The following TRUB1 variants were observed in gnomAD, a reference collection of about 807,000 sequenced individuals.
TRUB1 encodes pseudouridylate synthase TRUB1.
A neutral mutation model predicts 33.9 loss-of-function variants in TRUB1; 23 were observed. The observed-to-expected ratio is 0.68, with a 90% confidence interval of 0.49 to 0.96. The LOEUF (loss-of-function observed/expected upper bound fraction) is 0.96, where lower values mean the gene tolerates loss of function less well. Ranked by LOEUF, TRUB1 falls within the 40% of genes least tolerant of loss-of-function variation. The pLI is 0.00. For missense variants in TRUB1, 378 were observed against 422.2 expected (o/e 0.90, Z 0.92); for synonymous variants, 163 against 165.4 (o/e 0.99, Z 0.11).
chr10:114,946,810 A>G lies in TRUB1; in HGVS notation c.385+4067A>G, dbSNP rs542151205. The stretch of plus-strand genomic sequence containing the variant: ...ACCTGAAATTCAGGTTTATAATTCT[A>G]TAGCATAATTGCTAGAGGGTTCACA... On this transcript the variant is annotated intron_variant, in intron 2 of 7. Coordinates refer to ENST00000298746, the MANE Select transcript of TRUB1 (RefSeq NM_139169.5). 1.6e-4 allele frequency among the ~76,000 whole-genome samples: 24 copies of G among 152,286 alleles called. No individual in the cohort carries two copies. The South Asian group carries it at 4.8e-3, about 30-fold the overall frequency.
chr10:114,972,083 T>C, intron 5 of TRUB1, 52 bp from the exon 6 acceptor site: 1 of 1,598,464 alleles, frequency 6.3e-7, no homozygotes, highest in Non-Finnish European at 8.5e-7. Flanking sequence ...TCCAAATCCC[T>C]CTCAATTCTT....
In TRUB1 at chr10:114,977,568, T is replaced by A. The variant is rs1320217087; in HGVS notation, c.*2189T>A. ...GAGTAGGGGTTTTATATGTTGTTGC[T>A]AATTTAGTAAACATAGGAGAGAAAT... On this transcript the variant is annotated 3_prime_UTR_variant, in exon 8 of 8. Transcript: ENST00000298746. The A allele has an allele frequency of 1.3e-5, 2 of 152,050 alleles. No homozygotes were observed. The highest frequency in any genetic ancestry group is 4.8e-5 in the African/African-American group (2 of 41,448). The allele number at this position is 152,050 out of a possible 1,614,324, so 9.4% of individuals were successfully genotyped here. A position where few individuals can be genotyped will look rare whatever the true frequency, so the allele number is the denominator to read the frequency against.
intron 4 of TRUB1, among the ~76,000 whole-genome samples, chr10:114,970,160 A>T (rs1014684652): frequency 6.6e-6 from 1 of 152,204 alleles, no homozygotes; most frequent in Admixed American, 6.5e-5. Context: ...AATTGTTTTA[A>T]TAAAGAATAT....
intron 5 of TRUB1, among the ~76,000 whole-genome samples, chr10:114,971,149 G>A (rs867840148): frequency 6.6e-6 from 1 of 152,276 alleles, no homozygotes; most frequent in South Asian, 2.1e-4. Flanking sequence ...GCTCTCTGGA[G>A]CCTCCTTTAT....
At chr10:114,973,416 G>A (rs775925570) in intron 6 of TRUB1, among the ~76,000 whole-genome samples, 76 of 152,160 alleles carry the variant, frequency 5.0e-4, no homozygotes, top group Admixed American at 1.9e-3. Context: ...GTGCTAGCGC[G>A]CCTGCATTTC....
In TRUB1 at chr10:114,970,431, T is replaced by C. The variant is rs1438334306; in HGVS notation, c.587T>C (p.Val196Ala). 1 of 1,609,266 alleles carries C rather than the reference T, an allele frequency of 6.2e-7. No homozygotes were observed. The highest frequency in any genetic ancestry group is 1.7e-5 in the Admixed American group (1 of 59,922). Residue 196 changes from valine (V) to alanine (A), a missense_variant, in exon 5 of 8, where the codon GTG becomes GCG. Physicochemically the swap from Val to Ala is moderately conservative, Grantham distance 64. Coordinates refer to ENST00000298746, the MANE Select transcript of TRUB1 (RefSeq NM_139169.5). ...AAATTTACTGGAAATATAATGCAAG[T>C]GCCCCCCCTGTAAGTTCAATTAGTA... ...LQKFTGNIMQ[V>A]PPLYSALKKD...
intron 3 of TRUB1, among the ~76,000 whole-genome samples, chr10:114,952,067 C>T (rs897059475): frequency 5.2e-4 from 79 of 152,222 alleles, no homozygotes; most frequent in Admixed American, 3.3e-4. Context: ...TAAGTTTCTA[C>T]GCAATCTCAT....
chr10:114,942,876 T>G (rs1036748195), intron 2 of TRUB1, 133 bp downstream of exon 2: 1 of 605,094 alleles, frequency 1.7e-6, no homozygotes, highest in Admixed American at 2.8e-5. Flanking sequence ...CTACTGGATA[T>G]ATATAGTGCC....
rs756027843 is a variant in TRUB1 at position 114,938,444 on chromosome 10, A to G, written c.191A>G (p.Lys64Arg). 1 of 1,596,782 alleles carries G rather than the reference A, an allele frequency of 6.3e-7. No individual in the cohort carries two copies. Among genetic ancestry groups the G allele is most frequent in the Non-Finnish European group, 8.5e-7 (1 of 1,171,818 alleles). Reference sequence around the variant, plus strand: ...GTCTCCAAGGCCGCTTTGGCTACCAAGCTGCTGTCCTTGAGCGGCGTGTTC... The same window carrying G: ...GTCTCCAAGGCCGCTTTGGCTACCAGGCTGCTGTCCTTGAGCGGCGTGTTC... ...ARVSKAALAT[K>R]LLSLSGVFAV... Residue 64 changes from lysine (K) to arginine (R), a missense_variant, in exon 1 of 8, where the codon AAG (lysine) becomes AGG (arginine). By Grantham distance (26) the Lys-to-Arg change is conservative. Coordinates refer to ENST00000298746, the MANE Select transcript of TRUB1 (RefSeq NM_139169.5).
intron 6 of TRUB1, among the ~76,000 whole-genome samples, 157 bp downstream of exon 6, chr10:114,972,431 C>A (rs377549377): frequency 1.2e-4 from 18 of 152,076 alleles, no homozygotes; most frequent in African/African-American, 4.3e-4. Context: ...TTTTTGGTAA[C>A]ACATTTAATG....
At chr10:114,952,731 A>G (rs1363321225) in intron 3 of TRUB1, among the ~76,000 whole-genome samples, 1 of 152,216 alleles carries the variant, frequency 6.6e-6, no homozygotes, top group Non-Finnish European at 1.5e-5. Flanking sequence ...ATTACAGAGT[A>G]TAAAAATTGC....
intron 5 of TRUB1, 128 bp downstream of exon 5, chr10:114,970,568 A>C (rs2143028226): frequency 9.8e-6 from 7 of 716,826 alleles, no homozygotes; most frequent in Non-Finnish European, 1.2e-5. Flanking sequence ...GATGTGCCAA[A>C]TGTTAAAGTG....
At chr10:114,956,168 G>A (rs2084260947) in intron 3 of TRUB1, among the ~76,000 whole-genome samples, 1 of 152,174 alleles carries the variant, frequency 6.6e-6, no homozygotes, top group Non-Finnish European at 1.5e-5. Context: ...AAAGTAGAGA[G>A]TAGAATAATA....
At chr10:114,963,775 G>A (rs915534889) in intron 4 of TRUB1, among the ~76,000 whole-genome samples, 6 of 152,104 alleles carry the variant, frequency 3.9e-5, no homozygotes, top group African/African-American at 1.4e-4. Flanking sequence ...TGAGATCCAT[G>A]TTGGTACATG....
At chr10:114,963,978 TG>T (rs1339000818) in intron 4 of TRUB1, among the ~76,000 whole-genome samples, 2 of 152,088 alleles carry the variant, frequency 1.3e-5, no homozygotes, top group African/African-American at 4.8e-5. Context: ...TGTGTGTGTG[TG>T]TGTGTGTGTG....
intron 4 of TRUB1, among the ~76,000 whole-genome samples, chr10:114,967,471 A>G (rs565742639): frequency 1.3e-5 from 2 of 152,348 alleles, no homozygotes; most frequent in South Asian, 4.1e-4. Flanking sequence ...AATCTCAACT[A>G]TGATGTTGTG....
At position 114,956,486 on chromosome 10, in the gene TRUB1, T is replaced by G. The variant is rs551354284; in HGVS notation, c.442-3240T>G. Reference sequence around the variant, plus strand: ...GCTTTGTTTCAGCTGAAGGCTTAACTGTGTGGGTGAATTTTTCTAAATGGT... The same window carrying G: ...GCTTTGTTTCAGCTGAAGGCTTAACGGTGTGGGTGAATTTTTCTAAATGGT... On this transcript the variant is annotated intron_variant, in intron 3 of 7. Coordinates refer to ENST00000298746, the MANE Select transcript of TRUB1 (RefSeq NM_139169.5). 2.6e-5 allele frequency among the ~76,000 whole-genome samples: 4 copies of G among 152,308 alleles called. No individual in the cohort carries two copies. In the South Asian group the frequency reaches 6.2e-4, roughly 24 times the overall value.
intron 3 of TRUB1, among the ~76,000 whole-genome samples, chr10:114,956,899 T>TC: frequency 6.6e-6 from 1 of 152,290 alleles, no homozygotes. Flanking sequence ...AGCAAAATGT[T>TC]TGAGAACATT....
In TRUB1 at chr10:114,951,065, G is replaced by A. The variant is rs776619347; in HGVS notation, c.386-29G>A. The A allele has an allele frequency of 2.5e-6, 4 of 1,596,280 alleles. No homozygotes were observed. In the South Asian group the frequency reaches 4.4e-5, roughly 18 times the overall value. On this transcript the variant is annotated intron_variant, in intron 2 of 7. Transcript: ENST00000298746. ...AAAAACCTAGTTTTCAGAACAGAGT[G>A]TCATAATATTTCTTTCTTTGATTTG...
Sources: allele counts gnomAD v4.1 joint callset (sites outside exome capture counted in the v4.1 genomes callset), GRCh38; gene constraint gnomAD v4.1.1; transcripts MANE v1.5; gene names NCBI Gene and HGNC (gene_info 2026-07-23, HGNC 2026-07-21).